MYH4: variants seen among roughly 807,000 people sequenced by gnomAD.
MYH4 encodes myosin heavy chain 4, also known as myosin-4.
Under a neutral mutation model 229.9 loss-of-function variants are expected in MYH4, and 200 were observed. The ratio of observed to expected loss-of-function variants is 0.87; its 90% CI spans 0.78 to 0.98. The LOEUF is 0.98. Among genes scored for constraint, MYH4 ranks in the 50% least tolerant of loss-of-function variants. The probability of loss-of-function intolerance (pLI) is 0.00; values close to 1 mark genes in which losing one functional copy is unlikely to be tolerated. For synonymous variants in MYH4, 761 were observed against 834.6 expected, an observed-to-expected ratio of 0.91 and a Z score of 1.52; for missense variants, 2,148 against 2,332.6, an observed-to-expected ratio of 0.92 and a Z score of 1.63.
At position 10,462,901 on chromosome 17, in the gene MYH4, G is replaced by T. The variant is rs959794627; in HGVS notation, c.972C>A (p.Pro324=). 5.0e-6 allele frequency: 8 copies of T among 1,613,912 alleles called. No individual in the cohort carries two copies. The highest frequency in any genetic ancestry group is 3.3e-5 in the Admixed American group (2 of 59,994). The change falls in exon 11 of 40, where the codon CCC becomes CCA. Residue 324 remains proline (P), a synonymous_variant. Transcript: ENST00000255381. ...AFVSQGEITV[P]SIDDQEELMA... ...TCAGCTCTTCCTGGTCATCAATGCT[G>T]GGCACAGTAATTTCCCCTTGGCTGA...
intron 12 of MYH4, 60 bp downstream of exon 12, chr17:10,460,856 C>A: frequency 6.3e-7 from 1 of 1,588,864 alleles, no homozygotes; most frequent in Non-Finnish European, 8.6e-7. Flanking sequence ...ACGGTCCCTG[C>A]CTCTGAAAAG....
intron 35 of MYH4, 39 bp downstream of exon 35, chr17:10,446,974 C>G (rs1345744877): frequency 1.3e-6 from 2 of 1,577,676 alleles, no homozygotes; most frequent in Non-Finnish European, 1.7e-6. Flanking sequence ...TCTTCAGCTT[C>G]AGGGAGTACA....
At position 10,448,435 on chromosome 17, in the gene MYH4, AT is replaced by A. The variant is rs746668794; in HGVS notation, c.4616del (p.His1539LeufsTer10). On this transcript the variant is annotated frameshift_variant, in exon 33 of 40. Coordinates refer to ENST00000255381, the MANE Select transcript of MYH4 (RefSeq NM_017533.2). LOFTEE classifies it high-confidence loss of function. ...ELEKVKKQLD[H>X]EKSELQTSLE... is the part of the protein sequence containing the mutation. Reference sequence around the variant, plus strand: ...GGGAAGTCTGTAGTTCACTCTTCTCATGATCAAGTTGTTTCTTTACTTTCTC... The same window carrying A: ...GGGAAGTCTGTAGTTCACTCTTCTCAGATCAAGTTGTTTCTTTACTTTCTC... 14 of 1,613,934 alleles carry A rather than the reference AT, an allele frequency of 8.7e-6. No homozygotes were observed. Among genetic ancestry groups the A allele is most frequent in the Non-Finnish European group, 1.2e-5 (14 of 1,179,916 alleles).
intron 39 of MYH4, 78 bp downstream of exon 39, chr17:10,444,526 C>G (rs1011129410): frequency 4.6e-6 from 5 of 1,094,146 alleles, no homozygotes; most frequent in Non-Finnish European, 5.4e-6. Flanking sequence ...AGAAAACCCC[C>G]TAAATTCTAT....
At chr17:10,447,711 A>T (rs545669468) in intron 34 of MYH4, 107 bp downstream of exon 34, 2 of 1,112,116 alleles carry the variant, frequency 1.8e-6, no homozygotes, top group Non-Finnish European at 2.6e-6. Flanking sequence ...ACTGATTACC[A>T]TGTTGCTTAG....
At position 10,443,335 on chromosome 17, in the gene MYH4, C is replaced by T. The variant is rs373186868; in HGVS notation, c.*40G>A. ...GACAGTGACAAAGAACTTCACATTTCGTGCATTTCTTTGGTCACATTTTCT... is the reference window on the plus strand; with the variant it reads ...GACAGTGACAAAGAACTTCACATTTTGTGCATTTCTTTGGTCACATTTTCT... On this transcript the variant is annotated 3_prime_UTR_variant, in exon 40 of 40. Transcript: ENST00000255381. The surrounding 1 kb of genome is among the most constrained non-coding windows in gnomAD (Gnocchi z 4.6). The T allele has an allele frequency of 2.6e-5, 41 of 1,598,348 alleles. No homozygotes were observed. The highest frequency in any genetic ancestry group is 3.3e-5 in the Non-Finnish European group (38 of 1,168,196).
At position 10,451,363 on chromosome 17, in the gene MYH4, C is replaced by T. The variant is rs765298731; in HGVS notation, c.3828G>A (p.Glu1276=). The part of the protein sequence containing the change: ...KEEEQQRLIN[E]LSAQKARLHT... ...GTAAACGTGCCTTCTGGGCTGACAA[C>T]TCATTTATTAAGCGTTGTTGCTCTT... Residue 1276 remains glutamate (E), a synonymous_variant, in exon 28 of 40, where the codon GAG becomes GAA. Coordinates refer to ENST00000255381, the MANE Select transcript of MYH4 (RefSeq NM_017533.2). 1 of 1,614,032 alleles carries T rather than the reference C, an allele frequency of 6.2e-7. No individual in the cohort carries two copies. Among genetic ancestry groups the T allele is most frequent in the Non-Finnish European group, 8.5e-7 (1 of 1,179,990 alleles).
chr17:10,466,562 C>G lies in MYH4; in HGVS notation c.184G>C (p.Ala62Pro). The change falls in exon 3 of 40, where the codon GCC becomes CCC. Residue 62 changes from alanine (A) to proline (P), a missense_variant. By Grantham distance (27) the Ala-to-Pro change is conservative. Transcript: ENST00000255381. The part of the protein sequence containing the change: ...VQSREGGKVT[A>P]KTEAGATVTV... ...CTCACAGCTCCAGCTTCGGTCTTGG[C>G]TGTCACCTTCCCCCCTTCCCTGCTC... is the stretch of plus-strand genomic sequence containing the variant. The G allele has an allele frequency of 6.2e-7, 1 of 1,613,890 alleles. No homozygotes were observed. Among genetic ancestry groups the G allele is most frequent in the East Asian group, 2.2e-5 (1 of 44,888 alleles).
chr17:10,455,305 T>C lies in MYH4; in HGVS notation c.2175-10A>G. Reference sequence around the variant, plus strand: ...ATTTAGAACCTTGTATCTGTCAGAATAAAAAGAATATAAAAATGTGGTTTT... The same window carrying C: ...ATTTAGAACCTTGTATCTGTCAGAACAAAAAGAATATAAAAATGTGGTTTT... On this transcript the variant is annotated splice_polypyrimidine_tract_variant and intron_variant, in intron 19 of 39. Transcript: ENST00000255381. The C allele has an allele frequency of 1.2e-6, 2 of 1,602,914 alleles. No homozygotes were observed. The highest frequency in any genetic ancestry group is 8.5e-7 in the Non-Finnish European group (1 of 1,176,680).
chr17:10,443,842 G>A lies in MYH4; in HGVS notation c.5668-315C>T, dbSNP rs1284060192. Among the ~76,000 whole-genome samples, 1 of 151,984 alleles carries A rather than the reference G, an allele frequency of 6.6e-6. No individual in the cohort carries two copies. ...GCAGGAGAATCTCTTGGACCCAGGA[G>A]GCAGAGATTGCAGTGAGCTGAGATT... On this transcript the variant is annotated intron_variant, in intron 39 of 39. Coordinates refer to ENST00000255381, the MANE Select transcript of MYH4 (RefSeq NM_017533.2). The surrounding 1 kb of genome is among the most constrained non-coding windows in gnomAD (Gnocchi z 4.6).
chr17:10,469,063 C>T (rs1003948937), intron 2 of MYH4, among the ~76,000 whole-genome samples: 4 of 150,456 alleles, frequency 2.7e-5, no homozygotes, highest in Non-Finnish European at 4.4e-5. Flanking sequence ...ATGATGGCTG[C>T]ATTCTTTCTG....
intron 4 of MYH4, among the ~76,000 whole-genome samples, 172 bp from the exon 5 acceptor site, chr17:10,465,770 CTTTTTTTTTTTT>C (rs957442606): frequency 3.1e-5 from 3 of 97,994 alleles, no homozygotes; most frequent in African/African-American, 1.1e-4. Flanking sequence ...TTCAGTTTTT[CTTTTTTTTTTTT>C]TTTTTTTTTT....
At chr17:10,453,063 G>A (rs2072595917) in intron 24 of MYH4, 89 bp downstream of exon 24, 14 of 1,595,518 alleles carry the variant, frequency 8.8e-6, no homozygotes, top group Non-Finnish European at 1.0e-5. Flanking sequence ...CACAGACCAA[G>A]CGTTAAAGGC....
chr17:10,458,402 A>G (rs2072664265), intron 15 of MYH4, among the ~76,000 whole-genome samples: 4 of 152,216 alleles, frequency 2.6e-5, no homozygotes. Flanking sequence ...TCTGAAGACC[A>G]TAAAGTTTTC....
rs141999522 is a variant in MYH4, at chr17:10,463,358, G to A, written c.785C>T (p.Ala262Val). 2.1e-5 allele frequency: 34 copies of A among 1,612,554 alleles called. No homozygotes were observed. The highest frequency in any genetic ancestry group is 2.9e-5 in the Non-Finnish European group (34 of 1,179,376). Residue 262 changes from alanine (A) to valine (V), a missense_variant, in exon 9 of 40, where the codon GCT becomes GTT. Transcript: ENST00000255381. ...RIHFGATGKL[A>V]SADIETYLLE... ...CTTACATGTTTCAATATCTGCAGAAGCCAGTTTGCCTGTGGCACCAAAATG... is the reference window on the plus strand; with the variant it reads ...CTTACATGTTTCAATATCTGCAGAAACCAGTTTGCCTGTGGCACCAAAATG...
chr17:10,454,893 T>C, intron 21 of MYH4, 48 bp downstream of exon 21: 1 of 1,611,196 alleles, frequency 6.2e-7, no homozygotes, highest in Non-Finnish European at 8.5e-7. Flanking sequence ...CTGCAGTGGA[T>C]TCATTTATGA....
rs756884040 is a variant in MYH4, at chr17:10,466,265, G to A, written c.348+8C>T. 19 of 1,613,228 alleles carry A rather than the reference G, an allele frequency of 1.2e-5. No individual in the cohort carries two copies. The highest frequency in any genetic ancestry group is 1.7e-5 in the Admixed American group (1 of 59,828). ...GTGAGTGAGAAATAGCGTTGAAAGG[G>A]TGCTCACGTAGATCATCCAGGCTGC... On this transcript the variant is annotated splice_region_variant and intron_variant, in intron 4 of 39. Transcript: ENST00000255381.
intron 14 of MYH4, among the ~76,000 whole-genome samples, 170 bp downstream of exon 14, chr17:10,459,782 G>T (rs2072680661): frequency 6.6e-6 from 1 of 151,940 alleles, no homozygotes; most frequent in Non-Finnish European, 1.5e-5. Context: ...CAAAAGAATA[G>T]AATTTTCTCT....
chr17:10,443,924 A>C lies in MYH4; in HGVS notation c.5668-397T>G, dbSNP rs943168657. Among the ~76,000 whole-genome samples, 7 of 152,218 alleles carry C rather than the reference A, an allele frequency of 4.6e-5. No individual in the cohort carries two copies. Among genetic ancestry groups the C allele is most frequent in the African/African-American group, 1.7e-4 (7 of 41,558 alleles). ...GCAAAACTCTGCCTCGAAAAAAAAA[A>C]AAAGAAGAGAAAAAGGCTTTATTAT... On this transcript the variant is annotated intron_variant, in intron 39 of 39. Coordinates refer to ENST00000255381, the MANE Select transcript of MYH4 (RefSeq NM_017533.2). This position sits in a 1 kb window ranked among gnomAD's most constrained non-coding sequence, Gnocchi z 4.6.
Sources: gnomAD v4.1 joint callset for allele counts (sites outside exome capture counted in the v4.1 genomes callset) on GRCh38, gnomAD v4.1.1 for gene constraint, Gnocchi (gnomAD v3.1) non-coding constraint, MANE v1.5 for transcripts, NCBI Gene and HGNC (gene_info 2026-07-23, HGNC 2026-07-21) for gene names.